Variants in INPP4B observed in about 807,000 individuals in gnomAD.
INPP4B encodes inositol polyphosphate 4-phosphatase type II.
Under a neutral mutation model 122.5 loss-of-function variants are expected in INPP4B, and 55 were observed. That is an observed-to-expected ratio of 0.45 (90% CI 0.36 to 0.56). The LOEUF (loss-of-function observed/expected upper bound fraction) is 0.56, where lower values mean the gene tolerates loss of function less well. Ranked by LOEUF, INPP4B falls within the 20% of genes least tolerant of loss-of-function variation. The pLI is 0.00. For synonymous variants in INPP4B, 403 were observed against 388.7 expected (o/e 1.04, Z -0.43); for missense variants, 1,000 against 1,097.7 (o/e 0.91, Z 1.26).
Position 142,103,910 on chromosome 4 carries a change from T to C in INPP4B, c.2374+4183A>G, listed in dbSNP as rs144923139. Among the ~76,000 whole-genome samples, 310 of 152,170 alleles carry C rather than the reference T, an allele frequency of 2.0e-3. 1 individual carries two copies. Among genetic ancestry groups the C allele is most frequent in the African/African-American group, 6.9e-3 (288 of 41,540 alleles). ...AAAAGTATTTTGTATACAATCCTTA[T>C]TGATGTAGTTGATGAAACACTATAT... On this transcript the variant is annotated intron_variant, in intron 23 of 25. Coordinates refer to ENST00000262992, the MANE Select transcript of INPP4B (RefSeq NM_001101669.3).
At chr4:142,241,192 T>C (rs947904909) in intron 11 of INPP4B, among the ~76,000 whole-genome samples, 1 of 152,048 alleles carries the variant, frequency 6.6e-6, no homozygotes, top group Non-Finnish European at 1.5e-5. Context: ...CTATTATAAG[T>C]TCTTTTTAAA....
intron 2 of INPP4B, among the ~76,000 whole-genome samples, chr4:142,507,544 G>A (rs1226278489): frequency 6.6e-6 from 1 of 151,714 alleles, no homozygotes; most frequent in African/African-American, 2.4e-5. Flanking sequence ...TTCCTACTAC[G>A]TGTCAGGCCT....
chr4:142,766,443 G>A lies in INPP4B; in HGVS notation c.-253-40542C>T, dbSNP rs570064797. Among the ~76,000 whole-genome samples the A allele has an allele frequency of 1.1e-4, 16 of 151,772 alleles. 1 individual carries two copies. In the South Asian group the frequency reaches 3.3e-3, roughly 32 times the overall value. ...GTCACCCAGGCTGAAGTGCAATGGT[G>A]GCACAATCTTGGCTCACTGCAACCT... On this transcript the variant is annotated intron_variant, in intron 1 of 25. Transcript: ENST00000262992.
chr4:142,615,102 G>T (rs149567281), intron 2 of INPP4B, among the ~76,000 whole-genome samples: 1 of 152,088 alleles, frequency 6.6e-6, no homozygotes, highest in Non-Finnish European at 1.5e-5. Flanking sequence ...TAAGTTTATC[G>T]CAGCACTATT....
chr4:142,604,794 C>T (rs984723943), intron 2 of INPP4B, among the ~76,000 whole-genome samples: 2 of 152,004 alleles, frequency 1.3e-5, no homozygotes, highest in African/African-American at 2.4e-5. Context: ...GCCATACTTC[C>T]CAAGCCATCT....
chr4:142,102,556 G>A (rs1386073369), intron 23 of INPP4B, among the ~76,000 whole-genome samples: 2 of 148,072 alleles, frequency 1.4e-5, no homozygotes, highest in Admixed American at 6.9e-5. Context: ...GAGGTCTGAA[G>A]ACCAACCCCA....
At chr4:142,330,546 T>TACACGCGCACGCACACAC (rs1774081017) in intron 7 of INPP4B, among the ~76,000 whole-genome samples, 2 of 152,004 alleles carry the variant, frequency 1.3e-5, no homozygotes, top group African/African-American at 4.8e-5. Flanking sequence ...CGCACACACA[T>TACACGCGCACGCACACAC]ACACGCGCAC....
intron 18 of INPP4B, among the ~76,000 whole-genome samples, chr4:142,137,067 G>A (rs535326260): frequency 7.4e-4 from 112 of 152,266 alleles, no homozygotes; most frequent in Admixed American, 3.9e-3. Flanking sequence ...AAAAGAGCTC[G>A]CATCGTCAAG....
At chr4:142,216,905 T>C (rs1847521577) in intron 12 of INPP4B, among the ~76,000 whole-genome samples, 1 of 152,212 alleles carries the variant, frequency 6.6e-6, no homozygotes, top group African/African-American at 2.4e-5. Flanking sequence ...TTACATATAA[T>C]GTGTAAAATA....
intron 18 of INPP4B, among the ~76,000 whole-genome samples, chr4:142,143,349 T>A (rs1190939684): frequency 4.9e-4 from 1 of 2,058 alleles, no homozygotes; most frequent in Admixed American, 7.2e-3. Flanking sequence ...GTAGGGTATA[T>A]AAGCATCTGT....
intron 12 of INPP4B, among the ~76,000 whole-genome samples, chr4:142,222,283 A>G (rs1196955754): frequency 1.3e-5 from 2 of 152,216 alleles, no homozygotes; most frequent in African/African-American, 2.4e-5. Flanking sequence ...TCTTACACCA[A>G]TGAATTATAC....
At chr4:142,533,775 C>A (rs140973348) in intron 2 of INPP4B, among the ~76,000 whole-genome samples, 28 of 152,244 alleles carry the variant, frequency 1.8e-4, no homozygotes, top group Non-Finnish European at 3.5e-4. Context: ...GAAGGCAATT[C>A]ATGAACACCC....
chr4:142,661,707 C>G (rs1225776172), intron 2 of INPP4B, among the ~76,000 whole-genome samples: 1 of 152,162 alleles, frequency 6.6e-6, no homozygotes, highest in Non-Finnish European at 1.5e-5. Flanking sequence ...ATCTTTCAAC[C>G]TCATTCAGAT....
At chr4:142,821,543 T>A (rs1780789034) in intron 1 of INPP4B, among the ~76,000 whole-genome samples, 1 of 152,160 alleles carries the variant, frequency 6.6e-6, no homozygotes, top group African/African-American at 2.4e-5. Flanking sequence ...TATAGTTTAT[T>A]TTTCAAATTG....
intron 10 of INPP4B, among the ~76,000 whole-genome samples, chr4:142,263,639 AATATATATATATATATAT>A (rs36227189): frequency 0.05 from 2,089 of 41,856 alleles, 270 homozygotes; most frequent in Admixed American, 0.32. Flanking sequence ...AAATTCGTAA[AATATATATATATATATAT>A]ATATATATAT....
chr4:142,382,165 G>C (rs1054689459), intron 7 of INPP4B, among the ~76,000 whole-genome samples: 2 of 152,068 alleles, frequency 1.3e-5, no homozygotes, highest in African/African-American at 4.8e-5. Context: ...TCTTTCAACA[G>C]AAATGTATTC....
chr4:142,223,451 T>G (rs942317445), intron 12 of INPP4B, among the ~76,000 whole-genome samples: 1 of 152,120 alleles, frequency 6.6e-6, no homozygotes, highest in Non-Finnish European at 1.5e-5. Flanking sequence ...CACTTTTCCC[T>G]CCTCCATTCA....
rs553341167 is a variant in INPP4B at position 142,660,173 on chromosome 4, C to T, written c.-191+65666G>A. On this transcript the variant is annotated intron_variant, in intron 2 of 25. Transcript: ENST00000262992. ...GGTGAGAACAGATAATTCCTTTTCT[C>T]TAGCCACCCCCTCCCCATCCCCCAC... is the stretch of plus-strand genomic sequence containing the variant. 2.6e-5 allele frequency among the ~76,000 whole-genome samples: 4 copies of T among 152,290 alleles called. 1 individual carries two copies. Among genetic ancestry groups the T allele is most frequent in the African/African-American group, 9.6e-5 (4 of 41,564 alleles).
intron 1 of INPP4B, among the ~76,000 whole-genome samples, chr4:142,745,037 CTG>C (rs918463183): frequency 2.0e-5 from 3 of 151,570 alleles, no homozygotes; most frequent in African/African-American, 7.3e-5. Context: ...GAAGTAGAAA[CTG>C]AGAAATGGGA....
Sources: gnomAD v4.1 joint callset for allele counts (sites outside exome capture counted in the v4.1 genomes callset) on GRCh38, gnomAD v4.1.1 for gene constraint, MANE v1.5 for transcripts, NCBI Gene and HGNC (gene_info 2026-07-23, HGNC 2026-07-21) for gene names.